DPY19L3: variants seen among roughly 807,000 people sequenced by gnomAD.
The protein encoded by DPY19L3 is protein C-mannosyl-transferase DPY19L3.
In DPY19L3, 51 loss-of-function variants were observed where a neutral mutation model predicts 92.3. That is an observed-to-expected ratio of 0.55 (90% confidence interval 0.44 to 0.70). DPY19L3 has a LOEUF of 0.70. Among genes scored for constraint, DPY19L3 ranks in the 30% least tolerant of loss-of-function variants. DPY19L3 has a pLI of 0.00. For missense variants in DPY19L3, 706 were observed against 855.9 expected (o/e 0.82, Z 2.18); for synonymous variants, 309 against 315.2 (o/e 0.98, Z 0.21).
At position 32,473,697 on chromosome 19, in the gene DPY19L3, G is replaced by A. The variant is rs534065558; in HGVS notation, c.1698-3825G>A. 1.1e-4 allele frequency among the ~76,000 whole-genome samples: 17 copies of A among 152,318 alleles called. No homozygotes were observed. In the South Asian group the frequency reaches 2.3e-3, roughly 20 times the overall value. ...TGGAAGTAGCAGTGATATTTCCCAG[G>A]TTTACCACGGAGCTGGCGTATGAGA... On this transcript the variant is annotated intron_variant, in intron 16 of 18. Transcript: ENST00000392250.
intron 10 of DPY19L3, among the ~76,000 whole-genome samples, chr19:32,457,700 A>G (rs961809550): frequency 6.6e-6 from 1 of 152,136 alleles, no homozygotes; most frequent in African/African-American, 2.4e-5. Context: ...AAAAGCCCCA[A>G]AGCCAGACAG....
intron 3 of DPY19L3, among the ~76,000 whole-genome samples, chr19:32,422,736 A>G (rs942795454): frequency 6.6e-6 from 1 of 152,146 alleles, no homozygotes; most frequent in East Asian, 1.9e-4. Context: ...GGGGCAGAGC[A>G]GTTTCCAGGA....
rs549885178 is a variant in DPY19L3 at position 32,411,557 on chromosome 19, A to T, written c.237+185A>T. ...AAATAACATATTAGAATCTTTTTTTAAATTTTTCTTTATTATTTATTTATT... is the reference window on the plus strand; with the variant it reads ...AAATAACATATTAGAATCTTTTTTTTAATTTTTCTTTATTATTTATTTATT... On this transcript the variant is annotated intron_variant, in intron 3 of 18. Coordinates refer to ENST00000392250, the MANE Select transcript of DPY19L3 (RefSeq NM_001172774.2). The T allele has an allele frequency of 4.0e-4, 192 of 477,688 alleles. 1 individual carries two copies. The highest frequency in any genetic ancestry group is 9.0e-4 in the South Asian group (15 of 16,576). The allele number at this position is 477,688 out of a possible 1,614,324, so 29.6% of individuals were successfully genotyped here.
rs1052480407 is a variant in DPY19L3, at chr19:32,413,707, C to T, written c.237+2335C>T. Among the ~76,000 whole-genome samples, 10 of 150,114 alleles carry T rather than the reference C, an allele frequency of 6.7e-5. No homozygotes were observed. The South Asian group carries it at 1.9e-3, about 29-fold the overall frequency. ...TTCTTCTTGTCAGAAGAATTTTACT[C>T]GTTTATATATCTTTTTTTGGGAGGA... On this transcript the variant is annotated intron_variant, in intron 3 of 18. Coordinates refer to ENST00000392250, the MANE Select transcript of DPY19L3 (RefSeq NM_001172774.2).
intron 16 of DPY19L3, among the ~76,000 whole-genome samples, chr19:32,469,494 TA>T (rs1189739601): frequency 3.4e-3 from 428 of 124,082 alleles, no homozygotes; most frequent in Middle Eastern, 4.4e-3. Context: ...AGACTCTCTC[TA>T]AAAAAAAAAA....
intron 12 of DPY19L3, among the ~76,000 whole-genome samples, chr19:32,460,999 G>A (rs1426126962): frequency 1.3e-5 from 2 of 152,106 alleles, no homozygotes; most frequent in Non-Finnish European, 2.9e-5. Context: ...CTAAGTAGCT[G>A]GGATTACAGG....
intron 2 of DPY19L3, among the ~76,000 whole-genome samples, chr19:32,410,204 T>A (rs1207298075): frequency 6.6e-6 from 1 of 152,232 alleles, no homozygotes; most frequent in Non-Finnish European, 1.5e-5. Context: ...CAGTCTGTTA[T>A]TATTATTGGC....
intron 8 of DPY19L3, among the ~76,000 whole-genome samples, 167 bp from the exon 9 acceptor site, chr19:32,452,978 A>G (rs1382668003): frequency 6.6e-6 from 1 of 151,596 alleles, no homozygotes; most frequent in East Asian, 1.9e-4. Flanking sequence ...GAGTGCTGAG[A>G]TTACAGATGT....
At chr19:32,429,398 G>A (rs929616275) in intron 3 of DPY19L3, among the ~76,000 whole-genome samples, 1 of 152,228 alleles carries the variant, frequency 6.6e-6, no homozygotes, top group African/African-American at 2.4e-5. Context: ...TGAAGCAGAT[G>A]TTCTCTTAGC....
rs1426798947 is a variant in DPY19L3, at chr19:32,484,400, G to T, written c.*2160G>T. The T allele has an allele frequency of 6.6e-6, 1 of 152,226 alleles. No individual in the cohort carries two copies. The highest frequency in any genetic ancestry group is 2.4e-5 in the African/African-American group (1 of 41,442). The allele number at this position is 152,226 out of a possible 1,614,324, so 9.4% of individuals were successfully genotyped here. A position where few individuals can be genotyped will look rare whatever the true frequency, so the allele number is the denominator to read the frequency against. On this transcript the variant is annotated 3_prime_UTR_variant, in exon 19 of 19. Transcript: ENST00000392250. ...AGCAAAGAAGAGCATCTGACTTCTAGCTCTGGCTTACAGCCTCTCTACCAG... is the reference window on the plus strand; with the variant it reads ...AGCAAAGAAGAGCATCTGACTTCTATCTCTGGCTTACAGCCTCTCTACCAG...
chr19:32,480,515 G>T lies in DPY19L3; in HGVS notation c.1947G>T (p.Arg649=). 1 of 1,614,140 alleles carries T rather than the reference G, an allele frequency of 6.2e-7. No homozygotes were observed. Among genetic ancestry groups the T allele is most frequent in the South Asian group, 1.1e-5 (1 of 91,078 alleles). The change falls in exon 18 of 19, where the codon CGG becomes CGT. Residue 649 remains arginine, a synonymous_variant. Transcript: ENST00000392250. ...DSICYERRHR[R]GCRLRDLLDI... is the part of the protein sequence containing the mutation. ...TCTGCTACGAGCGGAGGCACCGCCG[G>T]GGCTGCCGACTCCGGGACCTGCTGG...
At chr19:32,438,995 G>T in intron 6 of DPY19L3, 117 bp from the exon 7 acceptor site, 1 of 1,066,656 alleles carries the variant, frequency 9.4e-7, no homozygotes, top group East Asian at 2.4e-5. Flanking sequence ...TTGAGAACCA[G>T]TGGCCAGAAT....
intron 4 of DPY19L3, among the ~76,000 whole-genome samples, chr19:32,434,608 G>A (rs778656254): frequency 2.6e-5 from 4 of 152,328 alleles, no homozygotes; most frequent in East Asian, 1.9e-4. Flanking sequence ...GCGGTGAGCC[G>A]AGATCACGCT....
chr19:32,424,514 C>T (rs1472372305), intron 3 of DPY19L3, among the ~76,000 whole-genome samples: 1 of 151,788 alleles, frequency 6.6e-6, no homozygotes, highest in East Asian at 1.9e-4. Flanking sequence ...AGCTTACACC[C>T]AGCTGCTTGA....
intron 3 of DPY19L3, chr19:32,427,961 A>C (rs1436887738): frequency 6.8e-6 from 1 of 147,610 alleles, no homozygotes; most frequent in Non-Finnish European, 1.5e-5. Context: ...AATTTTTGTA[A>C]ACAAATCTTT....
At chr19:32,459,504 A>G (rs1231161259) in intron 12 of DPY19L3, among the ~76,000 whole-genome samples, 7 of 152,236 alleles carry the variant, frequency 4.6e-5, no homozygotes, top group Non-Finnish European at 8.8e-5. Context: ...CATTGAACAT[A>G]AACTATTTTA....
chr19:32,453,061 T>A lies in DPY19L3; in HGVS notation c.856-84T>A, dbSNP rs575976857. 8 of 1,466,380 alleles carry A rather than the reference T, an allele frequency of 5.5e-6. No homozygotes were observed. The East Asian group carries it at 1.6e-4, about 29-fold the overall frequency. 90.8% of individuals were successfully genotyped at this position (1,466,380 alleles called of 1,614,324 possible). On this transcript the variant is annotated intron_variant, in intron 8 of 18. Coordinates refer to ENST00000392250, the MANE Select transcript of DPY19L3 (RefSeq NM_001172774.2). ...TTTCTGCATTATTTGTAAGCTGAGGTGTATCCACCTCATGACCAACATGTC... is the reference window on the plus strand; with the variant it reads ...TTTCTGCATTATTTGTAAGCTGAGGAGTATCCACCTCATGACCAACATGTC...
chr19:32,431,787 A>G (rs754278272), intron 3 of DPY19L3, among the ~76,000 whole-genome samples: 9 of 152,336 alleles, frequency 5.9e-5, no homozygotes, highest in East Asian at 1.9e-4. Flanking sequence ...TGGACAGTCT[A>G]TGGTTATTTG....
chr19:32,446,007 A>G (rs966210454), intron 8 of DPY19L3, among the ~76,000 whole-genome samples: 2 of 152,218 alleles, frequency 1.3e-5, no homozygotes, highest in East Asian at 1.9e-4. Flanking sequence ...TCTCAAAAAA[A>G]AAAAATTATA....
Sources: gnomAD v4.1 joint callset for allele counts (sites outside exome capture counted in the v4.1 genomes callset) on GRCh38, gnomAD v4.1.1 for gene constraint, MANE v1.5 for transcripts, NCBI Gene and HGNC (gene_info 2026-07-23, HGNC 2026-07-21) for gene names.